CIT: variants seen among roughly 807,000 people sequenced by gnomAD.
CIT encodes the protein citron Rho-interacting kinase.
CIT carries 79 observed loss-of-function variants against 272.7 expected under a neutral mutation model. The ratio of observed to expected loss-of-function variants is 0.29; its 90% CI spans 0.24 to 0.35. The LOEUF (loss-of-function observed/expected upper bound fraction) is 0.35, where lower values mean the gene tolerates loss of function less well. Among genes scored for constraint, CIT ranks in the 10% least tolerant of loss-of-function variants. CIT has a pLI of 1.00. For synonymous variants in CIT, 948 were observed against 995.6 expected (o/e 0.95, Z 0.90); for missense variants, 1,909 against 2,618.3 (o/e 0.73, Z 5.91).
intron 2 of CIT, among the ~76,000 whole-genome samples, chr12:119,869,861 C>T (rs1950617399): frequency 6.6e-6 from 1 of 152,224 alleles, no homozygotes; most frequent in Non-Finnish European, 1.5e-5. Context: ...TCCGGCAACA[C>T]TGCCTCGCCT....
At chr12:119,699,102 A>G (rs1007099580) in intron 44 of CIT, among the ~76,000 whole-genome samples, 1 of 152,110 alleles carries the variant, frequency 6.6e-6, no homozygotes, top group African/African-American at 2.4e-5. Context: ...TAAACATAGA[A>G]AAAATTAGCC....
Position 119,784,848 on chromosome 12 carries a change from T to C in CIT, c.1401+112A>G. ...TTCAGCGAAGGCAGGAGCGCCTCAC[T>C]CTCTACGGATCAGGCGGCTCAGAGC... On this transcript the variant is annotated intron_variant, in intron 11 of 47. Coordinates refer to ENST00000392521, the MANE Select transcript of CIT (RefSeq NM_001206999.2). The surrounding 1 kb of genome is among the most constrained non-coding windows in gnomAD (Gnocchi z 4.7). 1 of 1,484,010 alleles carries C rather than the reference T, an allele frequency of 6.7e-7. No individual in the cohort carries two copies. The highest frequency in any genetic ancestry group is 8.9e-7 in the Non-Finnish European group (1 of 1,117,804). The allele number at this position is 1,484,010 out of a possible 1,614,324, so 91.9% of individuals were successfully genotyped here.
chr12:119,738,036 T>C (rs1409956822), intron 24 of CIT, among the ~76,000 whole-genome samples: 1 of 152,198 alleles, frequency 6.6e-6, no homozygotes, highest in East Asian at 1.9e-4. Context: ...ACTACTGTCC[T>C]TTGAAGTAGG....
In CIT at chr12:119,710,780, G is replaced by A; in HGVS notation, c.4855-160C>T. The A allele has an allele frequency of 1.4e-6, 1 of 733,434 alleles. No homozygotes were observed. Among genetic ancestry groups the A allele is most frequent in the Non-Finnish European group, 2.3e-6 (1 of 442,764 alleles). 45.4% of individuals were successfully genotyped at this position (733,434 alleles called of 1,614,324 possible). ...CTTAGCTCAGCCCGTATTTTGATCT[G>A]AGCTCCAAATGCAAAATGCGAGTGC... is the stretch of plus-strand genomic sequence containing the variant. On this transcript the variant is annotated intron_variant, in intron 37 of 47. Coordinates refer to ENST00000392521, the MANE Select transcript of CIT (RefSeq NM_001206999.2). This position sits in a 1 kb window ranked among gnomAD's most constrained non-coding sequence, Gnocchi z 5.6.
intron 10 of CIT, among the ~76,000 whole-genome samples, chr12:119,802,060 A>G (rs1458951872): frequency 6.6e-6 from 1 of 152,194 alleles, no homozygotes; most frequent in Admixed American, 6.5e-5. Flanking sequence ...ATAGGGAGAC[A>G]CCATCCAGGA....
At chr12:119,793,132 C>T (rs570626583) in intron 10 of CIT, among the ~76,000 whole-genome samples, 1 of 151,900 alleles carries the variant, frequency 6.6e-6, no homozygotes, top group East Asian at 1.9e-4. Flanking sequence ...CACACATATA[C>T]ATACTGACAC....
intron 32 of CIT, among the ~76,000 whole-genome samples, chr12:119,714,876 C>A (rs545943920): frequency 2.0e-5 from 3 of 152,216 alleles, no homozygotes; most frequent in Admixed American, 6.5e-5. Context: ...AAAATCTGTA[C>A]ATAAATGTTC....
intron 10 of CIT, among the ~76,000 whole-genome samples, chr12:119,791,880 C>T (rs1965340512): frequency 6.6e-6 from 1 of 152,254 alleles, no homozygotes; most frequent in African/African-American, 2.4e-5. Context: ...TGGTCATTAC[C>T]GCTGTAACAG....
chr12:119,828,563 C>A (rs1360789019), intron 7 of CIT, among the ~76,000 whole-genome samples: 3 of 151,314 alleles, frequency 2.0e-5, no homozygotes, highest in Non-Finnish European at 4.4e-5. Flanking sequence ...TACTACTTAA[C>A]TTAGTTAATT....
intron 46 of CIT, among the ~76,000 whole-genome samples, chr12:119,692,784 G>A (rs189741652): frequency 6.6e-6 from 1 of 152,318 alleles, no homozygotes; most frequent in African/African-American, 2.4e-5. Context: ...ATAGTGAATA[G>A]TTTCATGCCA....
chr12:119,818,715 G>A (rs980822952), intron 9 of CIT, among the ~76,000 whole-genome samples: 1 of 152,180 alleles, frequency 6.6e-6, no homozygotes. Flanking sequence ...GCCCATGTCA[G>A]ACGCAACAGA....
rs764629605 is a variant in CIT, at chr12:119,713,622, A to G, written c.4333T>C (p.Cys1445Arg). 1 of 1,614,242 alleles carries G rather than the reference A, an allele frequency of 6.2e-7. No homozygotes were observed. Residue 1445 changes from cysteine to arginine, a missense_variant, in exon 34 of 48, where the codon TGC (cysteine) becomes CGC (arginine). By Grantham distance (180) the Cys-to-Arg change is radical. This residue lies in a region of CIT where 780 missense variants were observed against 1,067.2 expected (regional missense o/e 0.73). Coordinates refer to ENST00000392521, the MANE Select transcript of CIT (RefSeq NM_001206999.2). This position sits in a 1 kb window ranked among gnomAD's most constrained non-coding sequence, Gnocchi z 5.2. ...CAGGTGGCTGGCAAGCACGTGGAGCACTTGGGGTGACACATCACCTGACAT... is the reference window on the plus strand; with the variant it reads ...CAGGTGGCTGGCAAGCACGTGGAGCGCTTGGGGTGACACATCACCTGACAT... ...LECQVMCHPKCSTCLPATCGL... is the reference protein window; with the variant it reads ...LECQVMCHPKRSTCLPATCGL...
chr12:119,863,336 G>A (rs1950419762), intron 3 of CIT, among the ~76,000 whole-genome samples: 1 of 151,722 alleles, frequency 6.6e-6, no homozygotes, highest in African/African-American at 2.4e-5. Flanking sequence ...ACTAAGAAGG[G>A]AACAACAGAC....
intron 2 of CIT, among the ~76,000 whole-genome samples, chr12:119,870,017 G>A (rs1246941999): frequency 6.6e-6 from 1 of 152,188 alleles, no homozygotes; most frequent in South Asian, 2.1e-4. Flanking sequence ...CCAAAGACAT[G>A]AGTCTGCAAC....
At chr12:119,708,551 T>A (rs892453382) in intron 39 of CIT, among the ~76,000 whole-genome samples, 2 of 152,080 alleles carry the variant, frequency 1.3e-5, no homozygotes, top group Admixed American at 1.3e-4. Flanking sequence ...AATGGTACAA[T>A]CTCGGCTCAC....
At chr12:119,791,905 T>C (rs890579566) in intron 10 of CIT, among the ~76,000 whole-genome samples, 4 of 152,242 alleles carry the variant, frequency 2.6e-5, no homozygotes, top group African/African-American at 9.6e-5. Context: ...ACATGTTTTC[T>C]TAAAATGTAT....
intron 6 of CIT, 26 bp downstream of exon 6, chr12:119,834,060 A>T: frequency 6.3e-7 from 1 of 1,585,284 alleles, no homozygotes. Flanking sequence ...TCCTCAGCAT[A>T]AAAATGCTAC....
intron 44 of CIT, among the ~76,000 whole-genome samples, chr12:119,698,682 A>C (rs1189808358): frequency 1.3e-5 from 2 of 152,228 alleles, no homozygotes; most frequent in African/African-American, 4.8e-5. Flanking sequence ...ATATGAAAGA[A>C]TGCCCAAGGT....
intron 46 of CIT, among the ~76,000 whole-genome samples, chr12:119,691,500 T>C (rs1593358256): frequency 6.6e-6 from 1 of 152,128 alleles, no homozygotes; most frequent in East Asian, 1.9e-4. Flanking sequence ...TTCTCAGTCA[T>C]GACAATAAGA....
Sources: allele counts gnomAD v4.1 joint callset (sites outside exome capture counted in the v4.1 genomes callset), GRCh38; gene constraint gnomAD v4.1.1; regional missense constraint gnomAD v4.1.1; non-coding constraint Gnocchi (gnomAD v3.1); transcripts MANE v1.5; gene names NCBI Gene and HGNC (gene_info 2026-07-23, HGNC 2026-07-21).